Variants in ACSL5 observed in about 807,000 individuals in gnomAD.
ACSL5 encodes acyl-CoA synthetase long chain family member 5.
Under a neutral mutation model 84.9 loss-of-function variants are expected in ACSL5, and 50 were observed. That is an observed-to-expected ratio of 0.59 (90% confidence interval 0.47 to 0.75). The LOEUF is 0.75. Among genes scored for constraint, ACSL5 ranks in the 30% least tolerant of loss-of-function variants. The pLI is 0.00. For missense variants in ACSL5, 775 were observed against 830.4 expected (o/e 0.93, Z 0.82); for synonymous variants, 280 against 300.7 (o/e 0.93, Z 0.71).
At chr10:112,390,841 A>T (rs143081281) in intron 1 of ACSL5, among the ~76,000 whole-genome samples, 1,621 of 152,362 alleles carry the variant, frequency 0.011, 35 homozygotes, top group African/African-American at 0.037. Context: ...GGTTTCATTT[A>T]TATGAAATAT....
At chr10:112,401,951 C>T (rs1237164234) in intron 3 of ACSL5, among the ~76,000 whole-genome samples, 1 of 146,978 alleles carries the variant, frequency 6.8e-6, no homozygotes, top group Non-Finnish European at 1.5e-5. Flanking sequence ...CTTTCTTTCT[C>T]TCTCTCTCTC....
intron 1 of ACSL5, among the ~76,000 whole-genome samples, chr10:112,381,738 G>A (rs1303183388): frequency 5.3e-5 from 8 of 151,782 alleles, no homozygotes; most frequent in African/African-American, 1.9e-4. Flanking sequence ...GGAGGTCGAG[G>A]TGGGTGGATC....
At position 112,425,819 on chromosome 10, in the gene ACSL5, A is replaced by G. The variant is rs560849002; in HGVS notation, c.1737+338A>G. ...TATGTTTAAGAGCAGTATGTATAAA[A>G]CAACAAACTGTTGCAATATATATAA... On this transcript the variant is annotated intron_variant, in intron 18 of 20. Coordinates refer to ENST00000354655, the MANE Select transcript of ACSL5 (RefSeq NM_203379.2). 3.3e-5 allele frequency among the ~76,000 whole-genome samples: 5 copies of G among 152,216 alleles called. No individual in the cohort carries two copies. In the South Asian group the frequency reaches 1.0e-3, roughly 32 times the overall value.
intron 1 of ACSL5, 100 bp from the exon 2 acceptor site, chr10:112,394,818 G>A (rs1476662681): frequency 1.3e-6 from 2 of 1,530,132 alleles, no homozygotes; most frequent in Non-Finnish European, 1.8e-6. Context: ...GCGTGTGTGT[G>A]TGTATGTGTG....
intron 20 of ACSL5, 124 bp downstream of exon 20, chr10:112,426,983 C>A: frequency 2.1e-6 from 2 of 972,356 alleles, no homozygotes; most frequent in Non-Finnish European, 3.1e-6. Context: ...CCATTAACTA[C>A]AAAATGACCT....
chr10:112,422,227 C>G, intron 16 of ACSL5, 98 bp from the exon 17 acceptor site: 1 of 1,136,728 alleles, frequency 8.8e-7, no homozygotes, highest in Middle Eastern at 2.8e-4. Flanking sequence ...GTAGTGGAAG[C>G]CATCAAATGA....
intron 10 of ACSL5, 149 bp downstream of exon 10, chr10:112,411,678 C>A: frequency 1.1e-6 from 1 of 888,470 alleles, no homozygotes; most frequent in Non-Finnish European, 1.7e-6. Flanking sequence ...CAAACACCAG[C>A]GTGTTCTTTG....
chr10:112,405,088 A>G (rs146057171), intron 5 of ACSL5, among the ~76,000 whole-genome samples: 153 of 152,318 alleles, frequency 1.0e-3, no homozygotes, highest in African/African-American at 3.5e-3. Flanking sequence ...AAAATAAGGA[A>G]GCTAGGAGGG....
intron 6 of ACSL5, 149 bp from the exon 7 acceptor site, chr10:112,409,358 A>G (rs758770130): frequency 1.6e-6 from 1 of 634,806 alleles, no homozygotes; most frequent in Non-Finnish European, 2.7e-6. Flanking sequence ...GGAATGTTTC[A>G]GGTTGTACAT....
intron 1 of ACSL5, among the ~76,000 whole-genome samples, chr10:112,387,558 A>C (rs1849478127): frequency 6.6e-6 from 1 of 152,244 alleles, no homozygotes; most frequent in Admixed American, 6.5e-5. Flanking sequence ...AAGCTGGGTT[A>C]GAAATGGAAA....
chr10:112,421,221 T>A (rs1366315678), intron 14 of ACSL5, among the ~76,000 whole-genome samples: 1 of 152,166 alleles, frequency 6.6e-6, no homozygotes, highest in African/African-American at 2.4e-5. Flanking sequence ...TACAATGGCG[T>A]GATTTCAGCT....
At chr10:112,424,985 C>T (rs1844613217) in intron 17 of ACSL5, 1 of 165,378 alleles carries the variant, frequency 6.0e-6, no homozygotes, top group South Asian at 1.9e-4. Context: ...GACAACACCT[C>T]TATTTCTGAG....
At chr10:112,413,553 CTGTA>C (rs1246261187) in intron 12 of ACSL5, among the ~76,000 whole-genome samples, 1 of 152,078 alleles carries the variant, frequency 6.6e-6, no homozygotes, top group Non-Finnish European at 1.5e-5. Flanking sequence ...TGGTGAAACC[CTGTA>C]TCTACTAAAA....
intron 9 of ACSL5, 57 bp from the exon 10 acceptor site, chr10:112,411,399 A>G: frequency 5.5e-6 from 8 of 1,460,626 alleles, no homozygotes; most frequent in Non-Finnish European, 7.7e-6. Context: ...TTTCAAGGCC[A>G]AAGGCTACCT....
chr10:112,413,382 ACTCCACCTCTAC>A, intron 12 of ACSL5, 75 bp downstream of exon 12: 1 of 1,528,054 alleles, frequency 6.5e-7, no homozygotes, highest in Non-Finnish European at 9.0e-7. Flanking sequence ...TATGAGATTT[ACTCCACCTCTAC>A]CTCCACCCTC....
At chr10:112,420,300 C>G (rs1290974670) in intron 14 of ACSL5, among the ~76,000 whole-genome samples, 1 of 152,198 alleles carries the variant, frequency 6.6e-6, no homozygotes, top group Non-Finnish European at 1.5e-5. Context: ...AGCCTCTCTC[C>G]AGTCAAGATT....
chr10:112,405,032 C>T (rs1206345147), intron 5 of ACSL5, among the ~76,000 whole-genome samples: 1 of 152,174 alleles, frequency 6.6e-6, no homozygotes, highest in Non-Finnish European at 1.5e-5. Flanking sequence ...TCTTTTTTCT[C>T]AGCCTATCAT....
intron 1 of ACSL5, among the ~76,000 whole-genome samples, chr10:112,383,005 A>G (rs367826632): frequency 4.6e-5 from 7 of 152,184 alleles, no homozygotes; most frequent in Non-Finnish European, 1.0e-4. Context: ...GCCATGGCTC[A>G]TGCCTGTAAT....
At chr10:112,387,655 T>C (rs1158609455) in intron 1 of ACSL5, among the ~76,000 whole-genome samples, 1 of 152,350 alleles carries the variant, frequency 6.6e-6, no homozygotes, top group East Asian at 1.9e-4. Context: ...GTAAAGACTT[T>C]TGACATAGTC....
Sources: gnomAD v4.1 joint callset for allele counts (sites outside exome capture counted in the v4.1 genomes callset) on GRCh38, gnomAD v4.1.1 for gene constraint, MANE v1.5 for transcripts, NCBI Gene and HGNC (gene_info 2026-07-23, HGNC 2026-07-21) for gene names.